The following RELN variants were observed in gnomAD, a reference collection of about 807,000 sequenced individuals.
RELN encodes the protein reelin.
A neutral mutation model predicts 427.6 loss-of-function variants in RELN; 108 were observed. The ratio of observed to expected loss-of-function variants is 0.25; its 90% confidence interval spans 0.22 to 0.30. The LOEUF is 0.30. Ranked by LOEUF, RELN falls within the 10% of genes least tolerant of loss-of-function variation. The pLI is 1.00. For synonymous variants in RELN, 1,524 were observed against 1,513.4 expected (o/e 1.01, Z -0.16); for missense variants, 3,715 against 4,302.8 (o/e 0.86, Z 3.82).
chr7:103,541,365 G>A lies in RELN; in HGVS notation c.6672-910C>T, dbSNP rs372103455. Among the ~76,000 whole-genome samples the A allele has an allele frequency of 4.9e-4, 75 of 152,260 alleles. 1 individual carries two copies. The South Asian group carries it at 0.012, about 25-fold the overall frequency. On this transcript the variant is annotated intron_variant, in intron 43 of 64. Transcript: ENST00000428762. ...ACATACCCACTAATGTATGCATGCC[G>A]GACATAGGAAATATATTAAGATGTA...
intron 6 of RELN, among the ~76,000 whole-genome samples, chr7:103,745,559 T>G (rs1406610048): frequency 6.6e-6 from 1 of 151,088 alleles, no homozygotes; most frequent in African/African-American, 2.5e-5. Flanking sequence ...ATAAGCAACT[T>G]CAGCAAAGTC....
intron 1 of RELN, among the ~76,000 whole-genome samples, chr7:103,942,520 A>G (rs1317061943): frequency 1.3e-5 from 2 of 152,192 alleles, no homozygotes; most frequent in African/African-American, 4.8e-5. Flanking sequence ...AGTAATGCAC[A>G]TTTTCAATGC....
intron 4 of RELN, among the ~76,000 whole-genome samples, chr7:103,762,901 C>G (rs181801598): frequency 1.3e-5 from 2 of 152,110 alleles, no homozygotes; most frequent in Admixed American, 1.3e-4. Context: ...AGATGACAAA[C>G]GAGGGTAGAA....
At chr7:103,577,352 A>G (rs1192043094) in intron 28 of RELN, among the ~76,000 whole-genome samples, 2 of 152,148 alleles carry the variant, frequency 1.3e-5, no homozygotes, top group African/African-American at 4.8e-5. Context: ...AACTTTATAA[A>G]CTGTAGCCAG....
intron 16 of RELN, among the ~76,000 whole-genome samples, chr7:103,646,324 T>C (rs974993187): frequency 3.3e-5 from 5 of 151,420 alleles, no homozygotes; most frequent in Admixed American, 6.6e-5. Context: ...GAATCAACCA[T>C]ATGAAAAAGT....
At chr7:103,920,455 T>G (rs2192304) in intron 1 of RELN, among the ~76,000 whole-genome samples, 24,285 of 152,026 alleles carry the variant, frequency 0.16, 4,416 homozygotes, top group African/African-American at 0.44. Context: ...TTAAAATGGG[T>G]AACAAATAAT....
intron 12 of RELN, among the ~76,000 whole-genome samples, chr7:103,656,760 G>A (rs867339885): frequency 2.0e-5 from 3 of 151,990 alleles, no homozygotes; most frequent in Admixed American, 6.6e-5. Flanking sequence ...GACTCCTTCA[G>A]TATTATTAAT....
rs575659246 is a variant in RELN, at chr7:103,569,235, A to G, written c.4589-2476T>C. Among the ~76,000 whole-genome samples the G allele has an allele frequency of 1.4e-4, 22 of 152,218 alleles. No homozygotes were observed. Among genetic ancestry groups the G allele is most frequent in the Non-Finnish European group, 2.8e-4 (19 of 68,040 alleles). On this transcript the variant is annotated intron_variant, in intron 31 of 64. Coordinates refer to ENST00000428762, the MANE Select transcript of RELN (RefSeq NM_005045.4). The surrounding 1 kb of genome is among the most constrained non-coding windows in gnomAD (Gnocchi z 4.0). Reference sequence around the variant, plus strand: ...TGAGAAACTGAAACCTCTTGCCAACAGCAGAGAAGAACTAAAGGCTTTTGC... The same window carrying G: ...TGAGAAACTGAAACCTCTTGCCAACGGCAGAGAAGAACTAAAGGCTTTTGC...
intron 24 of RELN, among the ~76,000 whole-genome samples, chr7:103,597,309 A>G (rs2299343): frequency 1.3e-5 from 2 of 152,142 alleles, no homozygotes; most frequent in Non-Finnish European, 2.9e-5. Flanking sequence ...GACAAAAAGA[A>G]AGAGTACTTG....
chr7:103,659,070 G>A (rs1468197054), intron 12 of RELN, among the ~76,000 whole-genome samples: 3 of 151,698 alleles, frequency 2.0e-5, no homozygotes, highest in Admixed American at 6.6e-5. Flanking sequence ...ACCTGCATAT[G>A]GATGATTTTC....
In RELN at chr7:103,616,364, T is replaced by G. The variant is rs1832079083; in HGVS notation, c.2703-4561A>C. Among the ~76,000 whole-genome samples the G allele has an allele frequency of 5.9e-5, 9 of 152,176 alleles. No homozygotes were observed. The South Asian group carries it at 1.9e-3, about 31-fold the overall frequency. On this transcript the variant is annotated intron_variant, in intron 20 of 64. Transcript: ENST00000428762. ...ATCATTCTTTTATTGGTTATGTTCT[T>G]GTAATCATCAAAGAAACGTTTACTA...
At chr7:103,960,649 A>C (rs1453942045) in intron 1 of RELN, among the ~76,000 whole-genome samples, 2 of 152,210 alleles carry the variant, frequency 1.3e-5, no homozygotes, top group African/African-American at 4.8e-5. Context: ...GGATTAGAGC[A>C]AATGCTAAGA....
In RELN at chr7:103,594,983, A is replaced by T. The variant is rs1831504980; in HGVS notation, c.3540-491T>A. ...TTTGATGTATCTCTTCACAGCTTAT[A>T]ATCTTTTATATAGGCAAGGCATTAT... On this transcript the variant is annotated intron_variant, in intron 25 of 64. Transcript: ENST00000428762. 2.0e-5 allele frequency among the ~76,000 whole-genome samples: 3 copies of T among 152,184 alleles called. No homozygotes were observed. The South Asian group carries it at 6.2e-4, about 32-fold the overall frequency.
chr7:103,845,893 A>G (rs917388691), intron 2 of RELN, among the ~76,000 whole-genome samples: 5 of 149,204 alleles, frequency 3.4e-5, no homozygotes, highest in Non-Finnish European at 4.4e-5. Context: ...ATGGAAAAAC[A>G]TTCCACGCTC....
At chr7:103,728,244 T>C (rs765720503) in intron 6 of RELN, 37 bp from the exon 7 acceptor site, 37 of 1,587,428 alleles carry the variant, frequency 2.3e-5, no homozygotes, top group Non-Finnish European at 2.9e-5. Context: ...GTCTGAGAAC[T>C]AAGTAGCACA....
At chr7:103,540,760 G>T (rs1474291510) in intron 43 of RELN, among the ~76,000 whole-genome samples, 1 of 152,154 alleles carries the variant, frequency 6.6e-6, no homozygotes, top group Non-Finnish European at 1.5e-5. Context: ...ATAAAAAGAT[G>T]GGAGGGATCT....
intron 10 of RELN, among the ~76,000 whole-genome samples, chr7:103,693,679 T>C (rs925409944): frequency 1.3e-5 from 2 of 152,130 alleles, no homozygotes; most frequent in Non-Finnish European, 2.9e-5. Flanking sequence ...TAGGCCTACA[T>C]AGGAAGTCAT....
chr7:103,734,071 C>T (rs1361965145), intron 6 of RELN, among the ~76,000 whole-genome samples: 2 of 152,052 alleles, frequency 1.3e-5, no homozygotes, highest in African/African-American at 4.8e-5. Context: ...TTTCTTTAGG[C>T]TCAGTGCAAA....
chr7:103,927,637 T>C (rs921486009), intron 1 of RELN, among the ~76,000 whole-genome samples: 6 of 152,198 alleles, frequency 3.9e-5, no homozygotes, highest in South Asian at 2.1e-4. Context: ...ATTTCTCCTA[T>C]GGGTAAAATG....
Sources: gnomAD v4.1 joint callset for allele counts (sites outside exome capture counted in the v4.1 genomes callset) on GRCh38, gnomAD v4.1.1 for gene constraint, Gnocchi (gnomAD v3.1) non-coding constraint, MANE v1.5 for transcripts, NCBI Gene and HGNC (gene_info 2026-07-23, HGNC 2026-07-21) for gene names.